SHISA9: variants seen among roughly 807,000 people sequenced by gnomAD.
The protein encoded by SHISA9 is shisa family member 9.
Under a neutral mutation model 38.0 loss-of-function variants are expected in SHISA9, and 13 were observed. The observed-to-expected ratio is 0.34, with a 90% CI of 0.22 to 0.54. SHISA9 has a LOEUF of 0.54. Ranked by LOEUF, SHISA9 falls within the 20% of genes least tolerant of loss-of-function variation. The pLI is 0.91. For missense variants in SHISA9, 538 were observed against 575.8 expected (o/e 0.93, Z 0.67); for synonymous variants, 275 against 242.0 (o/e 1.14, Z -1.27).
rs552089084 is a variant in SHISA9, at chr16:12,963,101, G to T, written c.691+46286G>T. ...CTTTCTGCTTAGGTTCGCCACAGTTGTTTCTGTTGCTTGCAGTCAGAGGTG... is the reference window on the plus strand; with the variant it reads ...CTTTCTGCTTAGGTTCGCCACAGTTTTTTCTGTTGCTTGCAGTCAGAGGTG... On this transcript the variant is annotated intron_variant, in intron 2 of 4. Transcript: ENST00000558583. Among the ~76,000 whole-genome samples, 6 of 152,334 alleles carry T rather than the reference G, an allele frequency of 3.9e-5. No homozygotes were observed. The South Asian group carries it at 8.3e-4, about 21-fold the overall frequency.
chr16:13,367,733 CA>C, the SHISA9 span, among the ~76,000 whole-genome samples: 1 of 145,912 alleles, frequency 6.9e-6, no homozygotes, highest in Non-Finnish European at 1.6e-5. Flanking sequence ...CACACACACA[CA>C]CACACACACA....
the SHISA9 span, among the ~76,000 whole-genome samples, chr16:13,389,214 C>G: frequency 6.6e-6 from 1 of 152,168 alleles, no homozygotes; most frequent in Non-Finnish European, 1.5e-5. Context: ...CCTCTGTCCT[C>G]CACTTATTCA....
intron 2 of SHISA9, among the ~76,000 whole-genome samples, chr16:13,080,507 C>A (rs2073636371): frequency 6.6e-6 from 1 of 151,712 alleles, no homozygotes; most frequent in Admixed American, 6.6e-5. Flanking sequence ...TCTGCCCCTT[C>A]ATGGGTAAGG....
At chr16:13,489,732 A>C in the SHISA9 span, among the ~76,000 whole-genome samples, 1 of 152,222 alleles carries the variant, frequency 6.6e-6, no homozygotes, top group Non-Finnish European at 1.5e-5. Flanking sequence ...AGTCTCAGGT[A>C]TGTCTTTACT....
intron 2 of SHISA9, among the ~76,000 whole-genome samples, chr16:13,053,241 G>A (rs888247958): frequency 2.0e-5 from 3 of 151,246 alleles, no homozygotes; most frequent in African/African-American, 7.4e-5. Context: ...GGGATTACAG[G>A]TGTGAACCAT....
the SHISA9 span, among the ~76,000 whole-genome samples, chr16:13,479,380 G>A: frequency 6.6e-6 from 1 of 152,252 alleles, no homozygotes; most frequent in South Asian, 2.1e-4. Flanking sequence ...CCCTTATTCA[G>A]CCTATATCCC....
chr16:13,139,273 T>C (rs898415387), intron 2 of SHISA9, among the ~76,000 whole-genome samples: 2 of 149,108 alleles, frequency 1.3e-5, no homozygotes, highest in African/African-American at 2.5e-5. Flanking sequence ...TCCCTTCCTC[T>C]ATCTCTTCCT....
the SHISA9 span, among the ~76,000 whole-genome samples, chr16:13,502,238 A>C: frequency 6.6e-6 from 1 of 152,198 alleles, no homozygotes; most frequent in Non-Finnish European, 1.5e-5. Context: ...GAGAAAAAGA[A>C]AGGAATCAAG....
At chr16:13,499,147 C>T in the SHISA9 span, among the ~76,000 whole-genome samples, 17 of 152,160 alleles carry the variant, frequency 1.1e-4, no homozygotes, top group South Asian at 2.1e-4. Context: ...AAGTAGAAAC[C>T]AATCAGTAAC....
At chr16:13,209,721 T>C (rs1331618331) in intron 3 of SHISA9, among the ~76,000 whole-genome samples, 1 of 152,224 alleles carries the variant, frequency 6.6e-6, no homozygotes, top group Admixed American at 6.5e-5. Flanking sequence ...ACAAGTTCCC[T>C]GGCCTGAGGT....
At chr16:13,454,268 G>C in the SHISA9 span, among the ~76,000 whole-genome samples, 1 of 152,162 alleles carries the variant, frequency 6.6e-6, no homozygotes, top group Non-Finnish European at 1.5e-5. Context: ...CTATGTCAAT[G>C]TAAATTATTA....
the SHISA9 span, among the ~76,000 whole-genome samples, chr16:13,288,676 C>T: frequency 6.6e-6 from 1 of 152,056 alleles, no homozygotes; most frequent in Non-Finnish European, 1.5e-5. Flanking sequence ...CGCCTGTAAT[C>T]CCAGCTGCCT....
At chr16:13,435,225 ATC>A in the SHISA9 span, among the ~76,000 whole-genome samples, 4 of 140,662 alleles carry the variant, frequency 2.8e-5, no homozygotes, top group Admixed American at 7.1e-5. Context: ...CATTCTTAGA[ATC>A]TTTTTTTTTT....
the SHISA9 span, among the ~76,000 whole-genome samples, chr16:13,492,077 T>G: frequency 6.6e-6 from 1 of 151,862 alleles, no homozygotes; most frequent in Admixed American, 6.6e-5. Flanking sequence ...ACCTCACTCC[T>G]CCTGCACCAA....
At chr16:13,480,441 G>A in the SHISA9 span, among the ~76,000 whole-genome samples, 1 of 152,076 alleles carries the variant, frequency 6.6e-6, no homozygotes, top group African/African-American at 2.4e-5. Context: ...CTAGGCTTGG[G>A]GAACAGGGAG....
chr16:12,968,638 G>C (rs1370388494), intron 2 of SHISA9, among the ~76,000 whole-genome samples: 1 of 152,184 alleles, frequency 6.6e-6, no homozygotes, highest in Non-Finnish European at 1.5e-5. Flanking sequence ...TGTTGAGTGA[G>C]AGAAGCCAGG....
intron 2 of SHISA9, among the ~76,000 whole-genome samples, chr16:13,048,399 G>C (rs950195162): frequency 2.6e-5 from 4 of 152,094 alleles, no homozygotes; most frequent in African/African-American, 9.7e-5. Context: ...AGCCTTTTGA[G>C]CCACCAAAAA....
the SHISA9 span, among the ~76,000 whole-genome samples, chr16:13,435,225 A>ATT: frequency 7.1e-6 from 1 of 140,668 alleles, no homozygotes. Context: ...CATTCTTAGA[A>ATT]TCTTTTTTTT....
the SHISA9 span, among the ~76,000 whole-genome samples, chr16:13,380,303 C>T: frequency 1.1e-4 from 17 of 152,152 alleles, no homozygotes; most frequent in East Asian, 3.3e-3. Context: ...GTGAAAAAAG[C>T]AGTCAAATCA....
Sources: allele counts gnomAD v4.1 joint callset (sites outside exome capture counted in the v4.1 genomes callset), GRCh38; gene constraint gnomAD v4.1.1; transcripts MANE v1.5; gene names NCBI Gene and HGNC (gene_info 2026-07-23, HGNC 2026-07-21).